DPP6: variants seen among roughly 807,000 people sequenced by gnomAD.
DPP6 encodes A-type potassium channel modulatory protein DPP6.
A neutral mutation model predicts 122.6 loss-of-function variants in DPP6; 69 were observed. The ratio of observed to expected loss-of-function variants is 0.56; its 90% CI spans 0.46 to 0.69. DPP6 has a LOEUF of 0.69. DPP6 is among the 30% of genes least tolerant of loss of function. The pLI, the probability that DPP6 is intolerant of heterozygous loss-of-function variation, is 0.00. For missense variants in DPP6, 928 were observed against 1,116.9 expected, an observed-to-expected ratio of 0.83 and a Z score of 2.41; for synonymous variants, 418 against 433.1, an observed-to-expected ratio of 0.97 and a Z score of 0.43.
rs1466344044 is a variant in DPP6, at chr7:154,241,225, A to G, written c.243+188162A>G. On this transcript the variant is annotated intron_variant, in intron 1 of 25. Transcript: ENST00000377770. This position sits in a 1 kb window ranked among gnomAD's most constrained non-coding sequence, Gnocchi z 9.0. ...TGTGTGTGTGTGTGTGTGTGTATAT[A>G]TATATAGAGAGAGAGAGAGACACTT... Among the ~76,000 whole-genome samples the G allele has an allele frequency of 4.4e-4, 37 of 84,700 alleles. No individual in the cohort carries two copies. The East Asian group carries it at 6.9e-3, about 16-fold the overall frequency. 55.6% of individuals were successfully genotyped at this position (84,700 alleles called of 152,430 possible).
chr7:154,664,203 A>T (rs1197698909), intron 6 of DPP6, among the ~76,000 whole-genome samples: 28 of 151,952 alleles, frequency 1.8e-4, no homozygotes, highest in Non-Finnish European at 1.0e-4. Flanking sequence ...TCATAAAGTC[A>T]TTGTGAATCA....
At chr7:154,312,608 G>A (rs1170202423) in intron 1 of DPP6, among the ~76,000 whole-genome samples, 8 of 152,126 alleles carry the variant, frequency 5.3e-5, no homozygotes, top group African/African-American at 7.2e-5. Flanking sequence ...CTGTATGTGC[G>A]CCCATGTATG....
intron 5 of DPP6, among the ~76,000 whole-genome samples, chr7:154,614,286 T>C (rs1241449158): frequency 1.3e-5 from 2 of 152,226 alleles, no homozygotes; most frequent in Non-Finnish European, 2.9e-5. Flanking sequence ...TTTTTGGGAT[T>C]GGTTTAATTA....
intron 1 of DPP6, among the ~76,000 whole-genome samples, chr7:154,204,815 A>G (rs914312462): frequency 6.6e-6 from 1 of 151,232 alleles, no homozygotes; most frequent in East Asian, 1.9e-4. Flanking sequence ...GTGTGTGAGT[A>G]TGTGTACCTG....
At chr7:154,090,932 A>G (rs375618304) in intron 1 of DPP6, among the ~76,000 whole-genome samples, 1 of 149,220 alleles carries the variant, frequency 6.7e-6, no homozygotes, top group Admixed American at 6.7e-5. Context: ...CATCCTGGCT[A>G]ACACAGTGAA....
chr7:154,461,814 G>A (rs772127430), intron 2 of DPP6, among the ~76,000 whole-genome samples: 3 of 152,144 alleles, frequency 2.0e-5, no homozygotes, highest in Non-Finnish European at 2.9e-5. Context: ...CATTCTGTGG[G>A]TTGTCTTTTA....
At chr7:154,389,246 G>A (rs115764262) in intron 1 of DPP6, among the ~76,000 whole-genome samples, 1,727 of 152,210 alleles carry the variant, frequency 0.011, 35 homozygotes, top group African/African-American at 0.038. Context: ...AGGCGATGTC[G>A]GCCACTCTCC....
intron 7 of DPP6, among the ~76,000 whole-genome samples, chr7:154,694,659 C>A (rs938512973): frequency 3.3e-5 from 5 of 152,078 alleles, no homozygotes; most frequent in African/African-American, 4.8e-5. Context: ...ATGTACTAAT[C>A]TTCAACATTG....
At position 154,389,612 on chromosome 7, in the gene DPP6, C is replaced by A. The variant is rs1336907668; in HGVS notation, c.244-56602C>A. On this transcript the variant is annotated intron_variant, in intron 1 of 25. Coordinates refer to ENST00000377770, the MANE Select transcript of DPP6 (RefSeq NM_130797.4). ...TAGCATTTTATGATTTATTTTAGTG[C>A]CTAAATATTTATAAAACAAAGGCAG... 7.2e-5 allele frequency among the ~76,000 whole-genome samples: 11 copies of A among 152,036 alleles called. No homozygotes were observed. In the East Asian group the frequency reaches 2.1e-3, roughly 29 times the overall value.
chr7:154,473,581 C>G (rs1164959641), intron 2 of DPP6, among the ~76,000 whole-genome samples: 2 of 152,206 alleles, frequency 1.3e-5, no homozygotes, highest in East Asian at 3.9e-4. Context: ...GTAATAAAAC[C>G]CATGCAATGC....
intron 1 of DPP6, among the ~76,000 whole-genome samples, chr7:154,199,992 GGCTGCTGGGCTTA>G (rs1563308734): frequency 6.6e-6 from 1 of 152,162 alleles, no homozygotes; most frequent in East Asian, 1.9e-4. Context: ...TGGACTCACA[GGCTGCTGGGCTTA>G]GCAGTCTCCT....
intron 1 of DPP6, among the ~76,000 whole-genome samples, chr7:153,922,387 T>C (rs932490552): frequency 1.3e-5 from 2 of 152,022 alleles, no homozygotes; most frequent in Non-Finnish European, 1.5e-5. Flanking sequence ...TATTCCCAGC[T>C]GCTTGGGAGG....
At chr7:154,808,379 G>A (rs1376851029) in intron 16 of DPP6, among the ~76,000 whole-genome samples, 3 of 152,162 alleles carry the variant, frequency 2.0e-5, no homozygotes, top group Non-Finnish European at 4.4e-5. Context: ...AGGAGACCAC[G>A]GAGGGATGAG....
intron 1 of DPP6, among the ~76,000 whole-genome samples, chr7:154,262,256 G>A (rs756719157): frequency 1.3e-5 from 2 of 152,194 alleles, no homozygotes; most frequent in Non-Finnish European, 2.9e-5. Context: ...AGATTCATAT[G>A]TTGAAGAGCT....
chr7:153,981,730 A>C (rs1261930141), intron 1 of DPP6, among the ~76,000 whole-genome samples: 5 of 152,072 alleles, frequency 3.3e-5, no homozygotes, highest in Non-Finnish European at 5.9e-5. Flanking sequence ...TCTTTTAGGG[A>C]AGGCCTGGTG....
chr7:154,187,921 C>T (rs530002283), intron 1 of DPP6, among the ~76,000 whole-genome samples: 86 of 152,252 alleles, frequency 5.6e-4, no homozygotes, highest in Non-Finnish European at 1.5e-4. Context: ...GATATCAATA[C>T]ATGCTCAATA....
intron 1 of DPP6, among the ~76,000 whole-genome samples, chr7:154,375,424 G>A (rs970048591): frequency 2.0e-5 from 3 of 152,082 alleles, no homozygotes; most frequent in Non-Finnish European, 4.4e-5. Flanking sequence ...TATTCACTAC[G>A]GTTTTAGTAT....
At chr7:154,610,952 A>G (rs1320592259) in intron 5 of DPP6, among the ~76,000 whole-genome samples, 1 of 152,186 alleles carries the variant, frequency 6.6e-6, no homozygotes, top group Non-Finnish European at 1.5e-5. Flanking sequence ...ACACTGAATC[A>G]TCTTTCCTCA....
intron 1 of DPP6, among the ~76,000 whole-genome samples, chr7:154,057,227 A>G (rs575950204): frequency 6.6e-6 from 1 of 152,116 alleles, no homozygotes; most frequent in African/African-American, 2.4e-5. Flanking sequence ...ACAAGAAGCA[A>G]AAAAGCTGAC....
Sources: allele counts gnomAD v4.1 joint callset (sites outside exome capture counted in the v4.1 genomes callset), GRCh38; gene constraint gnomAD v4.1.1; non-coding constraint Gnocchi (gnomAD v3.1); transcripts MANE v1.5; gene names NCBI Gene and HGNC (gene_info 2026-07-23, HGNC 2026-07-21).